Variants in TUBA4B observed in about 807,000 individuals in gnomAD.
TUBA4B encodes tubulin-like protein alpha-4B.
TUBA4B carries 13 observed loss-of-function variants against 18.4 expected under a neutral mutation model. That is an observed-to-expected ratio of 0.71 (90% CI 0.46 to 1.12). The LOEUF (loss-of-function observed/expected upper bound fraction) is 1.12, where lower values mean the gene tolerates loss of function less well. Ranked by LOEUF, TUBA4B falls within the 50% of genes most tolerant of loss-of-function variation. The pLI is 0.00. For missense variants in TUBA4B, 244 were observed against 250.0 expected, an observed-to-expected ratio of 0.98 and a Z score of 0.16; for synonymous variants, 101 against 99.1, an observed-to-expected ratio of 1.02 and a Z score of -0.11.
At chr2:219,270,529 G>A (rs909836791) in intron 3 of TUBA4B, among the ~76,000 whole-genome samples, 194 bp downstream of exon 3, 5 of 152,150 alleles carry the variant, frequency 3.3e-5, no homozygotes, top group Non-Finnish European at 7.3e-5. Flanking sequence ...GGTGTCCCCT[G>A]TATCTCCGAA....
At chr2:219,263,581 G>A (rs1161079009) in intron 1 of TUBA4B, among the ~76,000 whole-genome samples, 1 of 152,232 alleles carries the variant, frequency 6.6e-6, no homozygotes, top group African/African-American at 2.4e-5. Context: ...AGAAGTTTCA[G>A]TGCTACACAA....
chr2:219,258,189 C>G (rs190125130), intron 1 of TUBA4B, among the ~76,000 whole-genome samples: 1 of 152,146 alleles, frequency 6.6e-6, no homozygotes, highest in Non-Finnish European at 1.5e-5. Flanking sequence ...TAGGATTTCA[C>G]CATGTTGGAC....
chr2:219,268,120 T>C (rs1299416216), intron 2 of TUBA4B, among the ~76,000 whole-genome samples: 1 of 149,858 alleles, frequency 6.7e-6, no homozygotes, highest in Non-Finnish European at 1.5e-5. Flanking sequence ...TTTTTTTTTT[T>C]TTTTTTGAGA....
In TUBA4B at chr2:219,253,277, G is replaced by T. The variant is rs181713232; in HGVS notation, c.-131G>T. The stretch of plus-strand genomic sequence containing the variant: ...CATCCGCGCACCCGGGCTTCGGCTG[G>T]AGAGGGCCAGCTCGCTTCAGGAGGC... On this transcript the variant is annotated 5_prime_UTR_variant, in exon 1 of 4. Coordinates refer to ENST00000490341, the MANE Select transcript of TUBA4B (RefSeq NM_001355221.1). 2,874 of 1,497,370 alleles carry T rather than the reference G, an allele frequency of 1.9e-3. 41 individuals carry two copies. In the African/African-American group the frequency reaches 0.029, roughly 15 times the overall value. 92.8% of individuals were successfully genotyped at this position (1,497,370 alleles called of 1,614,324 possible).
Position 219,253,360 on chromosome 2 carries a change from G to C in TUBA4B, c.-48G>C, listed in dbSNP as rs777534114. On this transcript the variant is annotated 5_prime_UTR_variant, in exon 1 of 4. Transcript: ENST00000490341. ...GACGCGGGGTGCTGAGTCACGGGGG[G>C]GGGGTGGTTCTGTGGATAGTTGGAA... 35 of 1,533,728 alleles carry C rather than the reference G, an allele frequency of 2.3e-5. No homozygotes were observed. Among genetic ancestry groups the C allele is most frequent in the South Asian group, 7.2e-5 (6 of 83,912 alleles).
chr2:219,256,371 T>C (rs993324538), intron 1 of TUBA4B, among the ~76,000 whole-genome samples: 2 of 152,242 alleles, frequency 1.3e-5, no homozygotes, highest in African/African-American at 4.8e-5. Context: ...TAGCAAACTA[T>C]TGGAGGTAAG....
rs529884103 is a variant in TUBA4B, at chr2:219,269,647, C to T, written c.59-555C>T. Among the ~76,000 whole-genome samples the T allele has an allele frequency of 1.4e-4, 21 of 152,302 alleles. No individual in the cohort carries two copies. The South Asian group carries it at 1.9e-3, about 14-fold the overall frequency. On this transcript the variant is annotated intron_variant, in intron 2 of 3. Transcript: ENST00000490341. ...CTCAGTGTGAGTGCATCTCAGTCCA[C>T]GTGGGGCAGGCCGGTGTGCAGTTGG...
chr2:219,254,223 C>CACCTGCGTCCT, intron 1 of TUBA4B: 1 of 223,860 alleles, frequency 4.5e-6, no homozygotes, highest in Non-Finnish European at 8.8e-6. Context: ...GTCTCACCTG[C>CACCTGCGTCCT]ACCTGCGTCC....
At chr2:219,254,877 T>C (rs1951704030) in intron 1 of TUBA4B, among the ~76,000 whole-genome samples, 1 of 152,234 alleles carries the variant, frequency 6.6e-6, no homozygotes, top group South Asian at 2.1e-4. Flanking sequence ...TTCTCATATC[T>C]TGGATGATTC....
chr2:219,253,428 A>C lies in TUBA4B; in HGVS notation c.12+9A>C. 2.0e-6 allele frequency: 3 copies of C among 1,509,282 alleles called. No homozygotes were observed. Among genetic ancestry groups the C allele is most frequent in the Non-Finnish European group, 2.7e-6 (3 of 1,122,550 alleles). The allele number at this position is 1,509,282 out of a possible 1,614,324, so 93.5% of individuals were successfully genotyped here. On this transcript the variant is annotated intron_variant, in intron 1 of 3. Coordinates refer to ENST00000490341, the MANE Select transcript of TUBA4B (RefSeq NM_001355221.1). ...GGGGGATGCGGCACCAGGTAACCTG[A>C]CCCCTTCCACCTTCTAGCGCCAAGC...
At position 219,253,843 on chromosome 2, in the gene TUBA4B, G is replaced by A. The variant is rs753985554; in HGVS notation, c.12+424G>A. 52 of 1,507,868 alleles carry A rather than the reference G, an allele frequency of 3.4e-5. 1 individual carries two copies. The highest frequency in any genetic ancestry group is 2.4e-4 in the South Asian group (18 of 75,598). 93.4% of individuals were successfully genotyped at this position (1,507,868 alleles called of 1,614,324 possible). On this transcript the variant is annotated intron_variant, in intron 1 of 3. Coordinates refer to ENST00000490341, the MANE Select transcript of TUBA4B (RefSeq NM_001355221.1). The stretch of plus-strand genomic sequence containing the variant: ...TTAGGGGACAGGCGCGACCCCGGCC[G>A]GGCCGCACTCACCATGGTGAGTCCG...
chr2:219,262,918 G>A (rs1454237825), intron 1 of TUBA4B, among the ~76,000 whole-genome samples: 1 of 152,052 alleles, frequency 6.6e-6, no homozygotes, highest in Admixed American at 6.6e-5. Flanking sequence ...GCATGCGCCT[G>A]TAATCCCAGC....
At chr2:219,262,077 C>T (rs1395512801) in intron 1 of TUBA4B, among the ~76,000 whole-genome samples, 1 of 152,154 alleles carries the variant, frequency 6.6e-6, no homozygotes, top group Non-Finnish European at 1.5e-5. Context: ...TTTGTGAGGC[C>T]GAGGCGGGCG....
chr2:219,270,080 C>T (rs1339736955), intron 2 of TUBA4B, 122 bp from the exon 3 acceptor site: 1 of 627,256 alleles, frequency 1.6e-6, no homozygotes, highest in Non-Finnish European at 2.9e-6. Context: ...TAGCAGCAGC[C>T]TGAATGCAGA....
intron 2 of TUBA4B, among the ~76,000 whole-genome samples, chr2:219,268,477 C>G (rs887993118): frequency 1.6e-4 from 25 of 152,308 alleles, no homozygotes; most frequent in African/African-American, 6.0e-4. Context: ...ATGGCACACC[C>G]TAGTGTGTGT....
At chr2:219,262,173 T>C (rs1026618119) in intron 1 of TUBA4B, among the ~76,000 whole-genome samples, 1 of 152,104 alleles carries the variant, frequency 6.6e-6, no homozygotes, top group Non-Finnish European at 1.5e-5. Context: ...TAGCCTGGCG[T>C]GGTGGTGGGC....
chr2:219,262,210 C>A (rs992705343), intron 1 of TUBA4B, among the ~76,000 whole-genome samples: 1 of 152,186 alleles, frequency 6.6e-6, no homozygotes, highest in Non-Finnish European at 1.5e-5. Context: ...ACTCGGGAGG[C>A]TGAAGCAGGA....
chr2:219,260,290 T>C (rs1408104833), intron 1 of TUBA4B, among the ~76,000 whole-genome samples: 1 of 152,164 alleles, frequency 6.6e-6, no homozygotes, highest in Admixed American at 6.6e-5. Context: ...TTTTTAGGTA[T>C]ATTTTTAATA....
At chr2:219,253,905 T>G in intron 1 of TUBA4B, 1 of 1,400,582 alleles carries the variant, frequency 7.1e-7, no homozygotes, top group Non-Finnish European at 9.3e-7. Flanking sequence ...GTGACAGGTC[T>G]CAGTGAGAAC....
Sources: gnomAD v4.1 joint callset for allele counts (sites outside exome capture counted in the v4.1 genomes callset) on GRCh38, gnomAD v4.1.1 for gene constraint, MANE v1.5 for transcripts, NCBI Gene and HGNC (gene_info 2026-07-23, HGNC 2026-07-21) for gene names.